SLC4A10: variants seen among roughly 807,000 people sequenced by gnomAD.
SLC4A10 encodes the protein solute carrier family 4 member 10, also known as sodium-driven chloride bicarbonate exchanger.
A neutral mutation model predicts 137.7 loss-of-function variants in SLC4A10; 42 were observed. That is an observed-to-expected ratio of 0.30 (90% CI 0.24 to 0.39). The LOEUF (loss-of-function observed/expected upper bound fraction) is 0.39, where lower values mean the gene tolerates loss of function less well. SLC4A10 is among the 10% of genes least tolerant of loss of function. The probability of loss-of-function intolerance (pLI) is 1.00; values close to 1 mark genes in which losing one functional copy is unlikely to be tolerated. For synonymous variants in SLC4A10, 474 were observed against 464.1 expected, an observed-to-expected ratio of 1.02 and a Z score of -0.27; for missense variants, 925 against 1,355.0, an observed-to-expected ratio of 0.68 and a Z score of 4.98.
chr2:161,675,925 C>T (rs542047833), intron 1 of SLC4A10, among the ~76,000 whole-genome samples: 1 of 152,228 alleles, frequency 6.6e-6, no homozygotes, highest in Non-Finnish European at 1.5e-5. Flanking sequence ...GTATTTGAAG[C>T]CCTGAATGAA....
chr2:161,796,847 G>A (rs1470063565), intron 2 of SLC4A10, among the ~76,000 whole-genome samples: 3 of 152,066 alleles, frequency 2.0e-5, no homozygotes, highest in Non-Finnish European at 4.4e-5. Flanking sequence ...TTTTCAGAAT[G>A]AGCTTCTTTC....
intron 2 of SLC4A10, among the ~76,000 whole-genome samples, chr2:161,789,399 C>T (rs1445520423): frequency 6.6e-6 from 1 of 152,092 alleles, no homozygotes; most frequent in Non-Finnish European, 1.5e-5. Flanking sequence ...AGTTTCTTCC[C>T]ATGGGCTCTC....
In SLC4A10 at chr2:161,977,762, TA is replaced by T; in HGVS notation, c.*26+4del. 1 of 1,585,808 alleles carries T rather than the reference TA, an allele frequency of 6.3e-7. No homozygotes were observed. Among genetic ancestry groups the T allele is most frequent in the Non-Finnish European group, 8.5e-7 (1 of 1,169,774 alleles). On this transcript the variant is annotated splice_donor_region_variant and intron_variant, in intron 26 of 26. Transcript: ENST00000446997. ...ACTCTAGAAGCTGATTCCCCAAAGGTAAGACCCTCTCCCTCAAATCTATTCC... is the reference window on the plus strand; with the variant it reads ...ACTCTAGAAGCTGATTCCCCAAAGGTAGACCCTCTCCCTCAAATCTATTCC...
At chr2:161,806,623 A>G (rs988433313) in intron 3 of SLC4A10, among the ~76,000 whole-genome samples, 1 of 152,158 alleles carries the variant, frequency 6.6e-6, no homozygotes, top group African/African-American at 2.4e-5. Flanking sequence ...TTGCTAAAAC[A>G]TAACAAGAGT....
intron 15 of SLC4A10, among the ~76,000 whole-genome samples, chr2:161,918,131 A>G (rs370006674): frequency 1.3e-5 from 2 of 152,040 alleles, no homozygotes; most frequent in Non-Finnish European, 1.5e-5. Flanking sequence ...AATATCTTCA[A>G]GAAGTGTTTT....
intron 15 of SLC4A10, among the ~76,000 whole-genome samples, chr2:161,922,699 T>C (rs940506923): frequency 1.3e-5 from 2 of 152,172 alleles, no homozygotes; most frequent in Non-Finnish European, 2.9e-5. Context: ...CTATGAGAGA[T>C]ACCTTTTTCT....
chr2:161,772,157 T>G (rs146179519), intron 2 of SLC4A10, among the ~76,000 whole-genome samples: 61 of 152,008 alleles, frequency 4.0e-4, no homozygotes, highest in African/African-American at 1.4e-3. Flanking sequence ...GCCTATTGAT[T>G]TCCTATGCTA....
chr2:161,965,666 T>C (rs74327674), intron 23 of SLC4A10, among the ~76,000 whole-genome samples: 2 of 152,196 alleles, frequency 1.3e-5, no homozygotes, highest in Non-Finnish European at 2.9e-5. Context: ...AAAATGTTGA[T>C]CTGATTTGCT....
At chr2:161,863,536 A>G (rs889679613) in intron 6 of SLC4A10, among the ~76,000 whole-genome samples, 9 of 152,218 alleles carry the variant, frequency 5.9e-5, no homozygotes, top group African/African-American at 1.9e-4. Context: ...AAATGATTGA[A>G]AAGACCAGCC....
chr2:161,633,418 T>C (rs1332913804), intron 1 of SLC4A10, among the ~76,000 whole-genome samples: 1 of 151,698 alleles, frequency 6.6e-6, no homozygotes, highest in African/African-American at 2.4e-5. Flanking sequence ...TAGCAGACAT[T>C]AATTGTTAAG....
chr2:161,857,992 A>G (rs751567093), intron 5 of SLC4A10, among the ~76,000 whole-genome samples: 3 of 152,124 alleles, frequency 2.0e-5, no homozygotes, highest in Non-Finnish European at 2.9e-5. Context: ...GATTACAGGC[A>G]TGAGTCACTG....
intron 1 of SLC4A10, among the ~76,000 whole-genome samples, chr2:161,697,663 A>G (rs953209629): frequency 1.3e-5 from 2 of 152,102 alleles, no homozygotes; most frequent in Non-Finnish European, 2.9e-5. Context: ...CCATTGATCT[A>G]TATCTCTGTT....
intron 1 of SLC4A10, among the ~76,000 whole-genome samples, chr2:161,764,858 A>C (rs2050625499): frequency 6.6e-6 from 1 of 152,130 alleles, no homozygotes; most frequent in Non-Finnish European, 1.5e-5. Flanking sequence ...CAATAAAAAA[A>C]TTCTTCCGTT....
At chr2:161,980,627 C>A in intron 26 of SLC4A10, among the ~76,000 whole-genome samples, 1 of 152,112 alleles carries the variant, frequency 6.6e-6, no homozygotes, top group Non-Finnish European at 1.5e-5. Context: ...CCAGCCTGGG[C>A]AACAGAGCAA....
At chr2:161,783,178 T>C (rs569616014) in intron 2 of SLC4A10, among the ~76,000 whole-genome samples, 1 of 152,078 alleles carries the variant, frequency 6.6e-6, no homozygotes, top group African/African-American at 2.4e-5. Context: ...AATGAGATGA[T>C]AGATTCACAA....
At chr2:161,817,195 C>T (rs1470335602) in intron 3 of SLC4A10, among the ~76,000 whole-genome samples, 1 of 152,176 alleles carries the variant, frequency 6.6e-6, no homozygotes, top group Non-Finnish European at 1.5e-5. Context: ...GATGGTATCT[C>T]ATTGTGGTTT....
chr2:161,786,919 G>C (rs1328342357), intron 2 of SLC4A10, among the ~76,000 whole-genome samples: 1 of 151,154 alleles, frequency 6.6e-6, no homozygotes, highest in Non-Finnish European at 1.5e-5. Flanking sequence ...TTGTTAGCTA[G>C]TTGCTTTGCA....
intron 1 of SLC4A10, among the ~76,000 whole-genome samples, chr2:161,698,107 TTGTC>T (rs2042735647): frequency 6.6e-6 from 1 of 152,178 alleles, no homozygotes; most frequent in South Asian, 2.1e-4. Flanking sequence ...GGCTCTCTGT[TTGTC>T]TGTTATTGGT....
intron 1 of SLC4A10, among the ~76,000 whole-genome samples, chr2:161,764,549 G>A (rs1226538737): frequency 1.3e-5 from 2 of 152,084 alleles, no homozygotes; most frequent in Non-Finnish European, 1.5e-5. Context: ...ATAGCTCATG[G>A]CATTATTGTT....
Sources: gnomAD v4.1 joint callset for allele counts (sites outside exome capture counted in the v4.1 genomes callset) on GRCh38, gnomAD v4.1.1 for gene constraint, MANE v1.5 for transcripts, NCBI Gene and HGNC (gene_info 2026-07-23, HGNC 2026-07-21) for gene names.